FCN1: variants seen among roughly 807,000 people sequenced by gnomAD.
FCN1 encodes ficolin 1.
A neutral mutation model predicts 35.6 loss-of-function variants in FCN1; 42 were observed. The observed-to-expected ratio is 1.18, with a 90% CI of 0.92 to 1.53. FCN1 has a LOEUF of 1.53. Ranked by LOEUF, FCN1 falls within the 40% of genes most tolerant of loss-of-function variation. The pLI, the probability that FCN1 is intolerant of heterozygous loss-of-function variation, is 0.00. For synonymous variants in FCN1, 179 were observed against 169.8 expected, an observed-to-expected ratio of 1.05 and a Z score of -0.42; for missense variants, 439 against 428.4, an observed-to-expected ratio of 1.02 and a Z score of -0.22.
chr9:134,910,569 C>G (rs1479185870), intron 8 of FCN1, among the ~76,000 whole-genome samples: 2 of 152,176 alleles, frequency 1.3e-5, no homozygotes, highest in African/African-American at 2.4e-5. Context: ...GGAGGTCATG[C>G]GTGAGATCGT....
chr9:134,915,327 C>T (rs572967569), intron 2 of FCN1, among the ~76,000 whole-genome samples: 18 of 152,286 alleles, frequency 1.2e-4, no homozygotes, highest in African/African-American at 3.4e-4. Context: ...GTGACCCTCC[C>T]GTCCCCGATG....
In FCN1 at chr9:134,906,841, C is replaced by G. The variant is rs1462408028; in HGVS notation, c.*2957G>C. On this transcript the variant is annotated 3_prime_UTR_variant, in exon 9 of 9. Coordinates refer to ENST00000371806, the MANE Select transcript of FCN1 (RefSeq NM_002003.5). ...ATCTCAGCAATTTGGGAGGCAGAGG[C>G]GGGTGGATCACTTGAGGTCGGGAGT... 2 of 152,098 alleles carry G rather than the reference C, an allele frequency of 1.3e-5. No individual in the cohort carries two copies. Among genetic ancestry groups the G allele is most frequent in the South Asian group, 2.1e-4 (1 of 4,820 alleles). 9.4% of individuals were successfully genotyped at this position (152,098 alleles called of 1,614,324 possible).
intron 1 of FCN1, 23 bp downstream of exon 1, chr9:134,917,746 C>T: frequency 1.9e-6 from 3 of 1,557,794 alleles, no homozygotes; most frequent in Non-Finnish European, 2.7e-6. Flanking sequence ...TTTTAGGGAC[C>T]AGAAAACCCA....
rs780199778 is a variant in FCN1, at chr9:134,917,899, C to T, written c.-28G>A. The stretch of plus-strand genomic sequence containing the variant: ...TCTCTGGCCTTTGACTCTGAAGAGT[C>T]CCCCAGCTCTAACAGGGCAGAGGAA... On this transcript the variant is annotated 5_prime_UTR_variant, in exon 1 of 9. Coordinates refer to ENST00000371806, the MANE Select transcript of FCN1 (RefSeq NM_002003.5). 1 of 1,518,552 alleles carries T rather than the reference C, an allele frequency of 6.6e-7. No individual in the cohort carries two copies. The highest frequency in any genetic ancestry group is 1.1e-5 in the South Asian group (1 of 89,274). The allele number at this position is 1,518,552 out of a possible 1,614,324, so 94.1% of individuals were successfully genotyped here.
Position 134,917,782 on chromosome 9 carries a change from C to G in FCN1, c.90G>C (p.Ala30=). ...LHIKNLPAQA[A]DTCPEVKVVG... is the part of the protein sequence containing the mutation. Reference sequence around the variant, plus strand: ...GGTCTGTCTCACCTGGACATGTGTCCGCAGCCTGGGCAGGCAGGTTCTTGA... The same window carrying G: ...GGTCTGTCTCACCTGGACATGTGTCGGCAGCCTGGGCAGGCAGGTTCTTGA... The change falls in exon 1 of 9, where the codon GCG becomes GCC. Residue 30 remains alanine (A), a synonymous_variant. Transcript: ENST00000371806. 6.2e-7 allele frequency: 1 copy of G among 1,612,986 alleles called. No homozygotes were observed. The highest frequency in any genetic ancestry group is 8.5e-7 in the Non-Finnish European group (1 of 1,179,060).
rs1485088826 is a variant in FCN1 at position 134,909,140 on chromosome 9, T to C, written c.*658A>G. On this transcript the variant is annotated 3_prime_UTR_variant, in exon 9 of 9. Coordinates refer to ENST00000371806, the MANE Select transcript of FCN1 (RefSeq NM_002003.5). ...GTGTGGGAGGAAGGCCTCTTCGGAA[T>C]CTTCTCTGTGCAGGTGGCTGACCAG... The C allele has an allele frequency of 1.7e-6, 2 of 1,190,930 alleles. No homozygotes were observed. The allele number at this position is 1,190,930 out of a possible 1,614,324, so 73.8% of individuals were successfully genotyped here.
intron 7 of FCN1, among the ~76,000 whole-genome samples, chr9:134,911,519 T>G (rs567074610): frequency 6.6e-6 from 1 of 151,644 alleles, no homozygotes; most frequent in Admixed American, 6.6e-5. Flanking sequence ...TACTTTTTTT[T>G]TTTTTTGTAT....
At chr9:134,912,750 TCTC>T (rs1282681831) in intron 6 of FCN1, 135 bp from the exon 7 acceptor site, 35 of 1,264,014 alleles carry the variant, frequency 2.8e-5, no homozygotes, top group Non-Finnish European at 3.8e-5. Flanking sequence ...GCCCATCTGG[TCTC>T]CTCACAGACT....
chr9:134,909,010 T>C lies in FCN1; in HGVS notation c.*788A>G. On this transcript the variant is annotated 3_prime_UTR_variant, in exon 9 of 9. Transcript: ENST00000371806. ...TGCTTCTTAGGTCGTGGTTGAGAAA[T>C]CTCCCCTGGCCTGGGAGCTGGAGAA... 5.7e-6 allele frequency: 2 copies of C among 348,502 alleles called. No individual in the cohort carries two copies. Among genetic ancestry groups the C allele is most frequent in the South Asian group, 4.5e-5 (2 of 43,994 alleles). 21.6% of individuals were successfully genotyped at this position (348,502 alleles called of 1,614,324 possible).
rs138036125 is a variant in FCN1 at position 134,915,063 on chromosome 9, T to C, written c.218-254A>G. On this transcript the variant is annotated intron_variant, in intron 2 of 8. Transcript: ENST00000371806. The stretch of plus-strand genomic sequence containing the variant: ...GTGCACCTTGCTCCTGTTTGTGCCT[T>C]GGGAGCAACCTGGGTTTCACACTCT... Among the ~76,000 whole-genome samples, 457 of 152,216 alleles carry C rather than the reference T, an allele frequency of 3.0e-3. 3 individuals are homozygous for C. The highest frequency in any genetic ancestry group is 0.01 in the African/African-American group (420 of 41,534).
In FCN1 at chr9:134,908,358, G is replaced by A. The variant is rs762265893; in HGVS notation, c.*1440C>T. The A allele has an allele frequency of 6.6e-6, 1 of 152,102 alleles. No individual in the cohort carries two copies. Among genetic ancestry groups the A allele is most frequent in the Non-Finnish European group, 1.5e-5 (1 of 68,030 alleles). 9.4% of individuals were successfully genotyped at this position (152,102 alleles called of 1,614,324 possible). On this transcript the variant is annotated 3_prime_UTR_variant, in exon 9 of 9. Coordinates refer to ENST00000371806, the MANE Select transcript of FCN1 (RefSeq NM_002003.5). ...ATTTATTTATTTTTGTATAAGGCAT[G>A]GTAGGCAGAATAATTCCCTGCCCCC...
intron 8 of FCN1, among the ~76,000 whole-genome samples, 193 bp downstream of exon 8, chr9:134,910,940 T>C (rs982501182): frequency 6.6e-6 from 1 of 152,184 alleles, no homozygotes; most frequent in Non-Finnish European, 1.5e-5. Flanking sequence ...GCGGCAGACA[T>C]AGCCTTAGGA....
chr9:134,915,608 T>A (rs1487658876), intron 2 of FCN1, among the ~76,000 whole-genome samples: 1 of 152,108 alleles, frequency 6.6e-6, no homozygotes, highest in Non-Finnish European at 1.5e-5. Context: ...CACGGAAGCC[T>A]AGACACGTCA....
rs1264907628 is a variant in FCN1, at chr9:134,912,631, G to T, written c.469-16C>A. On this transcript the variant is annotated splice_polypyrimidine_tract_variant and intron_variant, in intron 6 of 8. Coordinates refer to ENST00000371806, the MANE Select transcript of FCN1 (RefSeq NM_002003.5). ...GCTGGAAAACCTGTGAAGAAGCCAG[G>T]ATACAGAGTTAGGCGGGGCAGGCCG... The T allele has an allele frequency of 1.2e-6, 2 of 1,614,106 alleles. No individual in the cohort carries two copies. Among genetic ancestry groups the T allele is most frequent in the African/African-American group, 1.3e-5 (1 of 75,050 alleles).
rs1588652641 is a variant in FCN1 at position 134,905,433 on chromosome 9, T to C, written c.*4365A>G. On this transcript the variant is annotated 3_prime_UTR_variant, in exon 9 of 9. Transcript: ENST00000371806. ...GCTCTCTCAGTTCTGCTGATGTGAG[T>C]TGGGGAGGAATTGGTGATGGGAAAA... Among the ~76,000 whole-genome samples, 1 of 152,270 alleles carries C rather than the reference T, an allele frequency of 6.6e-6. No homozygotes were observed. Among genetic ancestry groups the C allele is most frequent in the Non-Finnish European group, 1.5e-5 (1 of 68,016 alleles).
intron 4 of FCN1, 66 bp downstream of exon 4, chr9:134,914,319 G>A: frequency 2.1e-6 from 3 of 1,424,616 alleles, no homozygotes; most frequent in Non-Finnish European, 3.0e-6. Context: ...GCGGACTGAG[G>A]CCTCTGAGAC....
chr9:134,909,784 G>T lies in FCN1; in HGVS notation c.*14C>A. ...TCCCCACTAGCAGGTGCATGTGGAG[G>T]GGTCCTGGCCCGTCTAGGCGGGCCG... On this transcript the variant is annotated 3_prime_UTR_variant, in exon 9 of 9. Coordinates refer to ENST00000371806, the MANE Select transcript of FCN1 (RefSeq NM_002003.5). 2 of 1,612,098 alleles carry T rather than the reference G, an allele frequency of 1.2e-6. No individual in the cohort carries two copies. Among genetic ancestry groups the T allele is most frequent in the South Asian group, 2.2e-5 (2 of 90,976 alleles).
chr9:134,909,239 G>T lies in FCN1; in HGVS notation c.*559C>A, dbSNP rs1166775905. 2.3e-6 allele frequency: 3 copies of T among 1,289,662 alleles called. No homozygotes were observed. The highest frequency in any genetic ancestry group is 3.0e-6 in the Non-Finnish European group (3 of 988,882). 79.9% of individuals were successfully genotyped at this position (1,289,662 alleles called of 1,614,324 possible). A position where few individuals can be genotyped will look rare whatever the true frequency, so the allele number is the denominator to read the frequency against. On this transcript the variant is annotated 3_prime_UTR_variant, in exon 9 of 9. Transcript: ENST00000371806. Reference sequence around the variant, plus strand: ...CAGCCCAAAGCATGAACTCTGCCGTGGTGGGAAGCAGAAAAGTTCCTACTA... The same window carrying T: ...CAGCCCAAAGCATGAACTCTGCCGTTGTGGGAAGCAGAAAAGTTCCTACTA...
chr9:134,917,405 C>T (rs1043149148), intron 1 of FCN1, among the ~76,000 whole-genome samples: 6 of 152,166 alleles, frequency 3.9e-5, no homozygotes, highest in Non-Finnish European at 7.4e-5. Flanking sequence ...CCCCCAAGTC[C>T]GTGTGGCAGC....
Sources: allele counts gnomAD v4.1 joint callset (sites outside exome capture counted in the v4.1 genomes callset), GRCh38; gene constraint gnomAD v4.1.1; transcripts MANE v1.5; gene names NCBI Gene and HGNC (gene_info 2026-07-23, HGNC 2026-07-21).